VPS33A: variants seen among roughly 807,000 people sequenced by gnomAD.
The protein encoded by VPS33A is vacuolar protein sorting-associated protein 33A.
VPS33A carries 32 observed loss-of-function variants against 71.8 expected under a neutral mutation model. The observed-to-expected ratio is 0.45, with a 90% CI of 0.34 to 0.60. The LOEUF is 0.60. Ranked by LOEUF, VPS33A falls within the 20% of genes least tolerant of loss-of-function variation. The pLI, the probability that VPS33A is intolerant of heterozygous loss-of-function variation, is 0.02. For missense variants in VPS33A, 625 were observed against 748.5 expected (o/e 0.84, Z 1.92); for synonymous variants, 311 against 292.7 (o/e 1.06, Z -0.64).
At chr12:122,254,136 T>C (rs1046354694) in intron 4 of VPS33A, among the ~76,000 whole-genome samples, 6 of 152,184 alleles carry the variant, frequency 3.9e-5, no homozygotes, top group Non-Finnish European at 4.4e-5. Context: ...AGCAATGTTA[T>C]TGAGCATTTG....
intron 1 of VPS33A, chr12:122,264,803 T>C (rs1955045453): frequency 6.6e-6 from 1 of 152,162 alleles, no homozygotes; most frequent in African/African-American, 2.4e-5. Context: ...TTAATCACTG[T>C]CCTGAACAGA....
chr12:122,238,480 C>A, intron 10 of VPS33A, 107 bp downstream of exon 10: 1 of 1,383,582 alleles, frequency 7.2e-7, no homozygotes, highest in Non-Finnish European at 9.5e-7. Flanking sequence ...CTTTGGCCTC[C>A]CAAAGTGCTG....
At chr12:122,249,744 T>C (rs1399365949) in intron 6 of VPS33A, 127 bp downstream of exon 6, 1 of 994,698 alleles carries the variant, frequency 1.0e-6, no homozygotes, top group Non-Finnish European at 1.4e-6. Context: ...TAATCTACAC[T>C]CTGAATCATT....
intron 9 of VPS33A, among the ~76,000 whole-genome samples, chr12:122,239,094 T>C (rs1954674290): frequency 6.6e-6 from 1 of 152,120 alleles, no homozygotes; most frequent in African/African-American, 2.4e-5. Flanking sequence ...CATATGCCTG[T>C]CTGGACACGT....
At chr12:122,233,034 T>C in intron 11 of VPS33A, 66 bp from the exon 12 acceptor site, 1 of 1,424,260 alleles carries the variant, frequency 7.0e-7, no homozygotes, top group Non-Finnish European at 9.3e-7. Context: ...GACTGTGGCC[T>C]TTTGGGTAAT....
chr12:122,254,405 CTTT>C (rs10571356), intron 4 of VPS33A, among the ~76,000 whole-genome samples: 11 of 110,178 alleles, frequency 1.0e-4, no homozygotes, highest in Admixed American at 1.9e-4. Context: ...ACCCCCCCGC[CTTT>C]TTTTTTTTTT....
chr12:122,248,060 C>CTGTATGTGTGTGTGTGTG (rs147581492), intron 6 of VPS33A: 1 of 148,332 alleles, frequency 6.7e-6, no homozygotes, highest in African/African-American at 2.5e-5. Flanking sequence ...CCAAATCCAG[C>CTGTATGTGTGTGTGTGTG]TGTGTGTGTG....
At position 122,242,462 on chromosome 12, in the gene VPS33A, GA is replaced by G. The variant is rs1254508778; in HGVS notation, c.1015del (p.Ser339ProfsTer22). ...TGCTGCCTGCATGTGGGGCAACTGG[GA>G]AACAAACTGCTTGATCTCCCCCACG... ...KTVGEIKQFV[S>X]QLPHMQAARG... On this transcript the variant is annotated frameshift_variant, in exon 8 of 13. Transcript: ENST00000267199. LOFTEE classifies it high-confidence loss of function. 1 of 1,614,014 alleles carries G rather than the reference GA, an allele frequency of 6.2e-7. No individual in the cohort carries two copies.
chr12:122,246,284 CTCT>C (rs1430136084), intron 6 of VPS33A, among the ~76,000 whole-genome samples: 4 of 144,314 alleles, frequency 2.8e-5, no homozygotes, highest in South Asian at 2.2e-4. Context: ...CTCTCTCTCT[CTCT>C]TATTTTATTT....
intron 4 of VPS33A, among the ~76,000 whole-genome samples, chr12:122,259,388 T>C (rs1477261036): frequency 3.9e-5 from 6 of 151,978 alleles, no homozygotes; most frequent in South Asian, 2.1e-4. Flanking sequence ...CCTGGCTAAT[T>C]TTGTATTTTT....
In VPS33A at chr12:122,249,857, T is replaced by C. The variant is rs550795737; in HGVS notation, c.775+14A>G. The C allele has an allele frequency of 3.1e-6, 5 of 1,603,678 alleles. No homozygotes were observed. The highest frequency in any genetic ancestry group is 4.3e-6 in the Non-Finnish European group (5 of 1,175,304). On this transcript the variant is annotated intron_variant, in intron 6 of 12. Transcript: ENST00000267199. ...CATATTACCTATTAGTGAAAACAGATGTCATGTACTTACTGTTCTGAATGC... is the reference window on the plus strand; with the variant it reads ...CATATTACCTATTAGTGAAAACAGACGTCATGTACTTACTGTTCTGAATGC...
chr12:122,244,956 T>C (rs1954758871), intron 6 of VPS33A, among the ~76,000 whole-genome samples, 194 bp from the exon 7 acceptor site: 1 of 152,200 alleles, frequency 6.6e-6, no homozygotes, highest in Non-Finnish European at 1.5e-5. Context: ...ACAGTTCTCA[T>C]TATCTTTGGG....
chr12:122,232,291 C>A lies in VPS33A; in HGVS notation c.1746G>T (p.Met582Ile). ...TEYVIATTKL[M>I]NGTSWIEALM... ...GAGCCTCTATCCAACTGGTTCCATTCATTAGTTTAGTGGTGGCAATGACAT... is the reference window on the plus strand; with the variant it reads ...GAGCCTCTATCCAACTGGTTCCATTAATTAGTTTAGTGGTGGCAATGACAT... Residue 582 changes from methionine (M) to isoleucine (I), a missense_variant, in exon 13 of 13, where the codon ATG (methionine) becomes ATT (isoleucine). By Grantham distance (10) the Met-to-Ile change is conservative (BLOSUM62 1). Coordinates refer to ENST00000267199, the MANE Select transcript of VPS33A (RefSeq NM_022916.6). 2 of 1,614,064 alleles carry A rather than the reference C, an allele frequency of 1.2e-6. No individual in the cohort carries two copies. Among genetic ancestry groups the A allele is most frequent in the South Asian group, 1.1e-5 (1 of 91,038 alleles).
intron 5 of VPS33A, 151 bp from the exon 6 acceptor site, chr12:122,250,196 C>G: frequency 2.4e-6 from 2 of 822,326 alleles, no homozygotes; most frequent in South Asian, 4.1e-5. Context: ...AGAAAAGCAC[C>G]TTGCTGTTGG....
chr12:122,261,640 G>A (rs938836804), intron 3 of VPS33A, among the ~76,000 whole-genome samples, 193 bp from the exon 4 acceptor site: 4 of 152,104 alleles, frequency 2.6e-5, no homozygotes, highest in Non-Finnish European at 5.9e-5. Flanking sequence ...AGGCCAAGGC[G>A]GGCGGATCAG....
chr12:122,259,847 G>C (rs1041350600), intron 4 of VPS33A, among the ~76,000 whole-genome samples: 1 of 151,460 alleles, frequency 6.6e-6, no homozygotes, highest in Non-Finnish European at 1.5e-5. Flanking sequence ...ATAAGACGCT[G>C]TCTCTCCAAA....
chr12:122,265,404 T>C (rs1339727214), intron 1 of VPS33A, among the ~76,000 whole-genome samples: 2 of 152,140 alleles, frequency 1.3e-5, no homozygotes, highest in African/African-American at 4.8e-5. Flanking sequence ...CATTTCTTTT[T>C]CTTATTTATT....
intron 2 of VPS33A, among the ~76,000 whole-genome samples, chr12:122,263,914 C>T (rs535720886): frequency 6.6e-6 from 1 of 152,268 alleles, no homozygotes; most frequent in South Asian, 2.1e-4. Flanking sequence ...TGATGATGAA[C>T]TATCAAAGAC....
intron 4 of VPS33A, among the ~76,000 whole-genome samples, chr12:122,260,738 C>T (rs920714705): frequency 1.3e-5 from 2 of 152,270 alleles, no homozygotes; most frequent in African/African-American, 4.8e-5. Context: ...GTAATCCCAG[C>T]AGTTTGGGAG....
Sources: gnomAD v4.1 joint callset for allele counts (sites outside exome capture counted in the v4.1 genomes callset) on GRCh38, gnomAD v4.1.1 for gene constraint, MANE v1.5 for transcripts, NCBI Gene and HGNC (gene_info 2026-07-23, HGNC 2026-07-21) for gene names.